CA4: variants seen among roughly 807,000 people sequenced by gnomAD.
CA4 encodes CA-IV.
In CA4, 24 loss-of-function variants were observed where a neutral mutation model predicts 34.5. The ratio of observed to expected loss-of-function variants is 0.70; its 90% CI spans 0.50 to 0.98. The LOEUF (loss-of-function observed/expected upper bound fraction) is 0.98, where lower values mean the gene tolerates loss of function less well. Ranked by LOEUF, CA4 falls within the 50% of genes least tolerant of loss-of-function variation. CA4 has a pLI of 0.00. For missense variants in CA4, 394 were observed against 396.7 expected, an observed-to-expected ratio of 0.99 and a Z score of 0.06; for synonymous variants, 178 against 170.6, an observed-to-expected ratio of 1.04 and a Z score of -0.34.
intron 5 of CA4, among the ~76,000 whole-genome samples, chr17:60,168,312 C>A (rs1016755636): frequency 1.6e-5 from 1 of 63,862 alleles, no homozygotes; most frequent in African/African-American, 6.6e-5. Context: ...AGGGTGATTT[C>A]TTTTTATTTT....
intron 7 of CA4, 131 bp downstream of exon 7, chr17:60,158,577 T>A (rs1247824198): frequency 9.1e-6 from 8 of 880,924 alleles, no homozygotes; most frequent in Non-Finnish European, 1.4e-5. Flanking sequence ...TTGTTAATCA[T>A]CGACATTCAC....
intron 1 of CA4, among the ~76,000 whole-genome samples, chr17:60,152,717 G>C (rs562049326): frequency 2.6e-4 from 40 of 152,312 alleles, no homozygotes; most frequent in South Asian, 8.3e-4. Flanking sequence ...AGACCTCTGC[G>C]GGTGGGGACA....
chr17:60,169,020 G>C (rs1295515678), intron 5 of CA4, among the ~76,000 whole-genome samples: 13 of 152,108 alleles, frequency 8.5e-5, no homozygotes, highest in Admixed American at 3.3e-4. Flanking sequence ...GCCAAGGTGG[G>C]CAGATCACCT....
chr17:60,150,116 AG>A (rs2083561491), intron 1 of CA4, 24 bp downstream of exon 1: 5 of 1,585,712 alleles, frequency 3.2e-6, no homozygotes, highest in Admixed American at 1.7e-5. Flanking sequence ...CTCCGGCCCC[AG>A]GTGCCCCTCG....
intron 1 of CA4, among the ~76,000 whole-genome samples, chr17:60,153,136 G>C (rs992308085): frequency 1.3e-5 from 2 of 152,022 alleles, no homozygotes; most frequent in African/African-American, 4.8e-5. Context: ...TCAGGAGTTC[G>C]AGACCAGCCT....
At chr17:60,158,513 T>C (rs1366072912) in intron 7 of CA4, 67 bp downstream of exon 7, 1 of 1,519,848 alleles carries the variant, frequency 6.6e-7, no homozygotes, top group Admixed American at 1.8e-5. Flanking sequence ...TCCCTCTGTC[T>C]GCCCTCAGAG....
chr17:60,174,772 A>G (rs577377893), downstream of CA4, among the ~76,000 whole-genome samples: 7 of 152,310 alleles, frequency 4.6e-5, no homozygotes, highest in Non-Finnish European at 8.8e-5. Flanking sequence ...CCCAACTTAC[A>G]CATTCTGGTG....
chr17:60,175,273 TAAA>T (rs200542423), downstream of CA4, among the ~76,000 whole-genome samples: 1 of 150,976 alleles, frequency 6.6e-6, no homozygotes, highest in Non-Finnish European at 1.5e-5. Context: ...TTTAGCTTTT[TAAA>T]AGACAGCCTT....
intron 1 of CA4, among the ~76,000 whole-genome samples, chr17:60,152,293 G>A (rs2083606370): frequency 6.6e-6 from 1 of 151,928 alleles, no homozygotes; most frequent in Non-Finnish European, 1.5e-5. Flanking sequence ...GAACCTGAGT[G>A]GTGGGTGCTC....
downstream of CA4, among the ~76,000 whole-genome samples, chr17:60,175,877 C>T (rs960678856): frequency 2.0e-5 from 3 of 147,366 alleles, no homozygotes; most frequent in South Asian, 2.2e-4. Flanking sequence ...AGTGCAATGG[C>T]GTGATCTCAG....
chr17:60,165,509 G>A (rs936533362), intron 5 of CA4, among the ~76,000 whole-genome samples: 2 of 152,136 alleles, frequency 1.3e-5, no homozygotes, highest in East Asian at 1.9e-4. Flanking sequence ...AGGGGCTCTC[G>A]GCCAGGGCTC....
rs1056584079 is a variant in CA4 at position 60,157,338 on chromosome 17, C to A, written c.269-89C>A. On this transcript the variant is annotated intron_variant, in intron 3 of 7. Transcript: ENST00000300900. ...CTCATGAAGGTTGGGAGGCAGGAGA[C>A]AATGTCCCATCTGGGTGAAGCTGGG... 60 of 1,438,962 alleles carry A rather than the reference C, an allele frequency of 4.2e-5. 1 individual carries two copies. The highest frequency in any genetic ancestry group is 1.3e-4 in the East Asian group (5 of 39,262). The allele number at this position is 1,438,962 out of a possible 1,614,324, so 89.1% of individuals were successfully genotyped here.
intron 7 of CA4, chr17:60,158,692 T>C (rs1277274752): frequency 3.5e-6 from 2 of 565,780 alleles, no homozygotes; most frequent in African/African-American, 1.9e-5. Context: ...GGGGTTTCTA[T>C]CATGAACGAG....
chr17:60,159,387 C>T lies in CA4; in HGVS notation c.902C>T (p.Pro301Leu), dbSNP rs1436179316. ...LPWALPALLG[P>L]MLACLLAGFL... is the part of the protein sequence containing the mutation. ...TGGGCCCTGCCTGCCCTGCTGGGCC[C>T]CATGCTGGCCTGCCTGCTGGCCGGC... is the stretch of plus-strand genomic sequence containing the variant. The change falls in exon 8 of 8, where the codon CCC becomes CTC. Residue 301 changes from proline to leucine, a missense_variant. Coordinates refer to ENST00000300900, the MANE Select transcript of CA4 (RefSeq NM_000717.5). The T allele has an allele frequency of 6.2e-7, 1 of 1,612,412 alleles. No individual in the cohort carries two copies. Among genetic ancestry groups the T allele is most frequent in the Admixed American group, 1.7e-5 (1 of 59,964 alleles).
At chr17:60,161,352 AG>A (rs1387147128), downstream of CA4, among the ~76,000 whole-genome samples, 10 of 152,240 alleles carry the variant, frequency 6.6e-5, no homozygotes, top group East Asian at 1.9e-3. Flanking sequence ...CCTCATCATC[AG>A]GAGTAGGACT....
downstream of CA4, chr17:60,159,630 G>A (rs895005014): frequency 1.0e-4 from 65 of 639,894 alleles, no homozygotes; most frequent in Admixed American, 1.3e-3. Context: ...GTTCCAGGGC[G>A]GGGGCTTTAA....
chr17:60,167,837 G>A (rs374135948), intron 5 of CA4, among the ~76,000 whole-genome samples: 1 of 152,108 alleles, frequency 6.6e-6, no homozygotes, highest in Non-Finnish European at 1.5e-5. Context: ...CTGCTGCCTG[G>A]TCTGTCCCCA....
In CA4 at chr17:60,158,078, C is replaced by G; in HGVS notation, c.531C>G (p.Asn177Lys). Residue 177 changes from asparagine to lysine, a missense_variant, in exon 6 of 8, where the codon AAC (asparagine) becomes AAG (lysine). Asn to Lys is a moderately conservative substitution (Grantham distance 94). Transcript: ENST00000300900. ...CTTTCCAGGCTGGAACCCAGGTGAA[C>G]GAGGGCTTCCAGCCACTGGTGGAGG... Reference protein sequence around the residue: ...AFLVEAGTQVNEGFQPLVEAL... With the variant: ...AFLVEAGTQVKEGFQPLVEAL... The G allele has an allele frequency of 1.2e-6, 2 of 1,613,798 alleles. No individual in the cohort carries two copies. Among genetic ancestry groups the G allele is most frequent in the Non-Finnish European group, 1.7e-6 (2 of 1,179,858 alleles).
the CA4 span, among the ~76,000 whole-genome samples, chr17:60,176,750 G>C: frequency 6.6e-6 from 1 of 152,152 alleles, no homozygotes; most frequent in African/African-American, 2.4e-5. Flanking sequence ...TTTGGCACCA[G>C]GGACTGGTGT....
Sources: gnomAD v4.1 joint callset for allele counts (sites outside exome capture counted in the v4.1 genomes callset) on GRCh38, gnomAD v4.1.1 for gene constraint, MANE v1.5 for transcripts, NCBI Gene and HGNC (gene_info 2026-07-23, HGNC 2026-07-21) for gene names.